Variants in ENPP3 observed in about 807,000 individuals in gnomAD.
ENPP3 encodes the protein ectonucleotide pyrophosphatase/phosphodiesterase 3.
A neutral mutation model predicts 117.8 loss-of-function variants in ENPP3; 104 were observed. That is an observed-to-expected ratio of 0.88 (90% CI 0.75 to 1.04). The LOEUF is 1.04. Ranked by LOEUF, ENPP3 falls within the 50% of genes least tolerant of loss-of-function variation. The pLI, the probability that ENPP3 is intolerant of heterozygous loss-of-function variation, is 0.00. For missense variants in ENPP3, 1,026 were observed against 1,051.9 expected (o/e 0.98, Z 0.34); for synonymous variants, 380 against 349.9 (o/e 1.09, Z -0.96).
chr6:131,720,464 A>G (rs1489446173), intron 17 of ENPP3, 85 bp downstream of exon 17: 24 of 648,008 alleles, frequency 3.7e-5, no homozygotes, highest in Non-Finnish European at 5.8e-5. Flanking sequence ...ACTGAATCCC[A>G]GAGGCTGGAT....
At chr6:131,690,364 G>A (rs1341494456) in intron 14 of ENPP3, among the ~76,000 whole-genome samples, 2 of 152,138 alleles carry the variant, frequency 1.3e-5, no homozygotes, top group African/African-American at 2.4e-5. Flanking sequence ...ATTTTGATCA[G>A]TCAGCAGCCA....
chr6:131,695,098 T>A (rs1779376264), intron 15 of ENPP3, among the ~76,000 whole-genome samples: 1 of 151,728 alleles, frequency 6.6e-6, no homozygotes. Flanking sequence ...GGCTGTACTG[T>A]GGCTCAGGAC....
At chr6:131,711,017 T>C in intron 15 of ENPP3, 1 of 1,592,450 alleles carries the variant, frequency 6.3e-7, no homozygotes, top group East Asian at 2.3e-5. Context: ...GGCTCCTCCA[T>C]AGCGTCGAGG....
chr6:131,656,628 G>A (rs1232106444), intron 5 of ENPP3, among the ~76,000 whole-genome samples: 1 of 152,086 alleles, frequency 6.6e-6, no homozygotes, highest in East Asian at 1.9e-4. Context: ...TTAGCCGGGT[G>A]TGGTGGCAGG....
In ENPP3 at chr6:131,738,161, C is replaced by G. The variant is rs1322977444; in HGVS notation, c.2298C>G (p.Thr766=). 6.2e-7 allele frequency: 1 copy of G among 1,609,432 alleles called. No individual in the cohort carries two copies. Among genetic ancestry groups the G allele is most frequent in the Non-Finnish European group, 8.5e-7 (1 of 1,177,930 alleles). Residue 766 remains threonine, a splice_region_variant and synonymous_variant, in exon 23 of 25, where the codon ACC becomes ACG. Transcript: ENST00000357639. The part of the protein sequence containing the change: ...DGHFDAPDEI[T]KHLANTDVPI... ...ATTTTGATGCTCCAGATGAAATTAC[C>G]AAGTAAGTGATTTGACTTTTTGATT...
chr6:131,743,392 A>G (rs1780569572), intron 24 of ENPP3, among the ~76,000 whole-genome samples: 1 of 152,164 alleles, frequency 6.6e-6, no homozygotes, highest in Non-Finnish European at 1.5e-5. Context: ...CTCATCTATT[A>G]TATCTAATAA....
chr6:131,672,992 A>G (rs1778778361), intron 7 of ENPP3, among the ~76,000 whole-genome samples: 1 of 152,150 alleles, frequency 6.6e-6, no homozygotes, highest in Non-Finnish European at 1.5e-5. Flanking sequence ...AGGATATTTG[A>G]TATACAGAAA....
intron 23 of ENPP3, among the ~76,000 whole-genome samples, chr6:131,738,726 A>G (rs1330660101): frequency 6.6e-6 from 1 of 152,192 alleles, no homozygotes; most frequent in Non-Finnish European, 1.5e-5. Context: ...TTGAATGCAG[A>G]GCACAGTAAT....
Position 131,652,905 on chromosome 6 carries a change from A to T in ENPP3, c.464+14A>T. On this transcript the variant is annotated intron_variant, in intron 5 of 24. Transcript: ENST00000357639. The stretch of plus-strand genomic sequence containing the variant: ...GTGCCCAGAAGGGTGAGCATGACTG[A>T]TACAGGGATTTTTATCCTCCTTTAA... 1 of 1,584,586 alleles carries T rather than the reference A, an allele frequency of 6.3e-7. No homozygotes were observed. Among genetic ancestry groups the T allele is most frequent in the Non-Finnish European group, 8.7e-7 (1 of 1,154,362 alleles).
intron 22 of ENPP3, among the ~76,000 whole-genome samples, 158 bp from the exon 23 acceptor site, chr6:131,737,872 AT>A: frequency 6.6e-6 from 1 of 152,264 alleles, no homozygotes; most frequent in East Asian, 1.9e-4. Context: ...GTGGCTGTTT[AT>A]TTTTGCTTGT....
intron 6 of ENPP3, among the ~76,000 whole-genome samples, chr6:131,662,759 T>A (rs1778530474): frequency 6.6e-6 from 1 of 152,190 alleles, no homozygotes. Flanking sequence ...TTACATTGAA[T>A]CTATAGATTG....
intron 5 of ENPP3, among the ~76,000 whole-genome samples, chr6:131,658,008 A>T (rs1313840314): frequency 2.0e-5 from 3 of 151,992 alleles, no homozygotes; most frequent in African/African-American, 7.2e-5. Flanking sequence ...ACTAAAATTT[A>T]TCCGGTTGTG....
intron 20 of ENPP3, among the ~76,000 whole-genome samples, chr6:131,731,801 C>A (rs1780287316): frequency 6.6e-6 from 1 of 152,146 alleles, no homozygotes; most frequent in South Asian, 2.1e-4. Context: ...TGATTTCCAG[C>A]TTCTGAATGT....
chr6:131,658,453 A>G, intron 6 of ENPP3, 33 bp downstream of exon 6: 1 of 1,106,930 alleles, frequency 9.0e-7, no homozygotes, highest in South Asian at 1.3e-5. Flanking sequence ...CATGCAAATG[A>G]TAAAGACACC....
chr6:131,722,485 C>A, intron 18 of ENPP3, 80 bp downstream of exon 18: 1 of 1,135,564 alleles, frequency 8.8e-7, no homozygotes, highest in Non-Finnish European at 1.3e-6. Context: ...ACTGGGGTAG[C>A]AACAACCAGG....
intron 6 of ENPP3, among the ~76,000 whole-genome samples, chr6:131,666,540 CT>C (rs1246347563): frequency 6.6e-6 from 1 of 152,164 alleles, no homozygotes; most frequent in Non-Finnish European, 1.5e-5. Context: ...TTCATCACTT[CT>C]TTCCATTCTT....
intron 17 of ENPP3, among the ~76,000 whole-genome samples, chr6:131,720,748 CT>C (rs957963643): frequency 4.6e-5 from 7 of 151,806 alleles, no homozygotes; most frequent in Middle Eastern, 3.4e-3. Context: ...GGCCCGGCTA[CT>C]TTTTTTTGTA....
chr6:131,742,043 G>T (rs185030971), intron 24 of ENPP3, among the ~76,000 whole-genome samples: 1 of 152,202 alleles, frequency 6.6e-6, no homozygotes, highest in African/African-American at 2.4e-5. Flanking sequence ...GACAGGGAGG[G>T]TGACATTTCA....
chr6:131,714,344 A>G (rs1779846494), intron 15 of ENPP3, among the ~76,000 whole-genome samples: 1 of 116,700 alleles, frequency 8.6e-6, no homozygotes, highest in Non-Finnish European at 1.7e-5. Context: ...TCTGGAAAAT[A>G]AAAAAGACAG....
Sources: allele counts gnomAD v4.1 joint callset (sites outside exome capture counted in the v4.1 genomes callset), GRCh38; gene constraint gnomAD v4.1.1; transcripts MANE v1.5; gene names NCBI Gene and HGNC (gene_info 2026-07-23, HGNC 2026-07-21).